The following CCDC57 variants were observed in gnomAD, a reference collection of about 807,000 sequenced individuals.
CCDC57 encodes the protein coiled-coil domain containing 57.
In CCDC57, 118 loss-of-function variants were observed where a neutral mutation model predicts 118.9. The observed-to-expected ratio is 0.99, with a 90% CI of 0.86 to 1.16. CCDC57 has a LOEUF of 1.16. Ranked by LOEUF, CCDC57 falls within the 50% of genes most tolerant of loss-of-function variation. The pLI is 0.00. For missense variants in CCDC57, 1,300 were observed against 1,320.7 expected, an observed-to-expected ratio of 0.98 and a Z score of 0.24; for synonymous variants, 527 against 532.9, an observed-to-expected ratio of 0.99 and a Z score of 0.15.
At chr17:82,123,030 A>T (rs1297979426) in intron 19 of CCDC57, among the ~76,000 whole-genome samples, 1 of 152,052 alleles carries the variant, frequency 6.6e-6, no homozygotes, top group Non-Finnish European at 1.5e-5. Context: ...TTCACCTTGC[A>T]AAAAAGCAGG....
At chr17:82,128,632 T>C in intron 17 of CCDC57, 35 bp from the exon 17 acceptor site, 1 of 1,491,966 alleles carries the variant, frequency 6.7e-7, no homozygotes, top group Non-Finnish European at 9.1e-7. Context: ...GACTCTGGTA[T>C]TCACATGTAC....
intron 9 of CCDC57, 102 bp from the exon 9 acceptor site, chr17:82,179,291 T>C (rs1318402742): frequency 4.6e-6 from 6 of 1,313,810 alleles, no homozygotes; most frequent in Non-Finnish European, 6.3e-6. Context: ...CTGTCCCTCC[T>C]GCTCTCGCAT....
intron 8 of CCDC57, among the ~76,000 whole-genome samples, chr17:82,187,013 G>T (rs769310702): frequency 3.3e-5 from 5 of 151,884 alleles, no homozygotes; most frequent in African/African-American, 4.8e-5. Flanking sequence ...CCGAGGCAGG[G>T]GGATCACAAA....
chr17:82,151,981 G>A (rs1291196795), intron 15 of CCDC57: 4 of 570,938 alleles, frequency 7.0e-6, no homozygotes, highest in East Asian at 5.9e-5. Flanking sequence ...ATAGAATAAA[G>A]GCCCACAGAT....
At chr17:82,188,192 T>A in intron 8 of CCDC57, 27 bp downstream of exon 7, 1 of 1,523,288 alleles carries the variant, frequency 6.6e-7, no homozygotes, top group Middle Eastern at 2.3e-4. Context: ...GCCCTCACCC[T>A]CTGGGTGGAG....
At position 82,184,041 on chromosome 17, in the gene CCDC57, A is replaced by G. The variant is rs1478339938; in HGVS notation, c.1053-109T>C. ...TGCGCGCGCGCGCGCGCACACACAC[A>G]CACACACACACACACACACACACAC... On this transcript the variant is annotated intron_variant, in intron 8 of 19. Transcript: ENST00000665763. 5.8e-3 allele frequency: 2,746 copies of G among 472,320 alleles called. 10 individuals are homozygous for G. The highest frequency in any genetic ancestry group is 9.5e-3 in the South Asian group (342 of 35,942). The allele number at this position is 472,320 out of a possible 1,614,324, so 29.3% of individuals were successfully genotyped here.
At chr17:82,180,568 T>C (rs1219969252) in intron 9 of CCDC57, among the ~76,000 whole-genome samples, 1 of 152,182 alleles carries the variant, frequency 6.6e-6, no homozygotes, top group Non-Finnish European at 1.5e-5. Flanking sequence ...CTCCACCTCC[T>C]GGGCTCAAGT....
intron 13 of CCDC57, among the ~76,000 whole-genome samples, chr17:82,165,177 G>A (rs4789738): frequency 0.47 from 71,060 of 151,964 alleles, 17,412 homozygotes; most frequent in East Asian, 0.88. Flanking sequence ...AACAAAAGAA[G>A]TATCAGCAAA....
At chr17:82,161,502 C>T (rs2043330147) in intron 14 of CCDC57, among the ~76,000 whole-genome samples, 1 of 152,248 alleles carries the variant, frequency 6.6e-6, no homozygotes, top group Admixed American at 6.5e-5. Flanking sequence ...GGAAACAACC[C>T]AAATGTTGAG....
chr17:82,183,747 T>A (rs1389577104), intron 9 of CCDC57, 27 bp downstream of exon 8: 1 of 1,548,440 alleles, frequency 6.5e-7, no homozygotes, highest in African/African-American at 1.4e-5. Flanking sequence ...AGACCCTCAA[T>A]GGAAACATCT....
At chr17:82,174,404 CTGTT>C (rs1291081985) in intron 11 of CCDC57, among the ~76,000 whole-genome samples, 1 of 152,226 alleles carries the variant, frequency 6.6e-6, no homozygotes, top group Non-Finnish European at 1.5e-5. Flanking sequence ...AAATTTTGCC[CTGTT>C]TGTCTCTTTA....
In CCDC57 at chr17:82,124,895, C is replaced by T. The variant is rs117232377; in HGVS notation, c.2899+2797G>A. Among the ~76,000 whole-genome samples, 507 of 152,260 alleles carry T rather than the reference C, an allele frequency of 3.3e-3. 2 individuals are homozygous for T. Among genetic ancestry groups the T allele is most frequent in the Non-Finnish European group, 4.7e-3 (320 of 68,016 alleles). On this transcript the variant is annotated intron_variant, in intron 19 of 19. Coordinates refer to ENST00000665763, the Ensembl canonical transcript of CCDC57. ...AAACAAGCAAACGAATGAACACGAA[C>T]GTCTCCAGAAGAACTTTCCATTGAG... is the stretch of plus-strand genomic sequence containing the variant.
chr17:82,194,025 G>C, exon 6 of CCDC57: 2 of 1,613,070 alleles, frequency 1.2e-6, no homozygotes, highest in Middle Eastern at 3.3e-4. Flanking sequence ...TCCCCGGCTC[G>C]GCTCTGGAGC....
chr17:82,105,914 C>G (rs983794203), intron 19 of CCDC57, among the ~76,000 whole-genome samples: 3 of 152,244 alleles, frequency 2.0e-5, no homozygotes, highest in Non-Finnish European at 4.4e-5. Flanking sequence ...CCTGGTGAGG[C>G]AGGGCCAGCA....
intron 8 of CCDC57, among the ~76,000 whole-genome samples, chr17:82,185,475 C>T (rs931867267): frequency 6.7e-5 from 10 of 150,228 alleles, no homozygotes; most frequent in Admixed American, 3.3e-4. Context: ...AAAAATTAGC[C>T]GGGTGTGGTG....
At position 82,172,888 on chromosome 17, in the gene CCDC57, A is replaced by G. The variant is rs749040546; in HGVS notation, c.1507-28T>C. The G allele has an allele frequency of 1.9e-6, 3 of 1,580,650 alleles. No individual in the cohort carries two copies. Among genetic ancestry groups the G allele is most frequent in the Non-Finnish European group, 2.6e-6 (3 of 1,158,946 alleles). Reference sequence around the variant, plus strand: ...GTCAAATACAAGGAAAAATGGCTACAAAAAGATGAATGGTTCCCCAGCTTG... The same window carrying G: ...GTCAAATACAAGGAAAAATGGCTACGAAAAGATGAATGGTTCCCCAGCTTG... On this transcript the variant is annotated intron_variant, in intron 11 of 19. Coordinates refer to ENST00000665763, the Ensembl canonical transcript of CCDC57. This position sits in a 1 kb window ranked among gnomAD's most constrained non-coding sequence, Gnocchi z 5.2.
chr17:82,144,716 A>T (rs1465343394), intron 16 of CCDC57, among the ~76,000 whole-genome samples: 2 of 152,264 alleles, frequency 1.3e-5, no homozygotes, highest in Non-Finnish European at 2.9e-5. Flanking sequence ...CGTGTCATTT[A>T]ACTAATAAAT....
intron 13 of CCDC57, among the ~76,000 whole-genome samples, chr17:82,168,317 G>A (rs1006070400): frequency 4.6e-5 from 7 of 152,266 alleles, no homozygotes; most frequent in South Asian, 2.1e-4. Context: ...TCTTTAGGCC[G>A]GGCGCAGTGG....
intron 14 of CCDC57, among the ~76,000 whole-genome samples, chr17:82,162,597 G>C (rs8079141): frequency 7.4e-6 from 1 of 134,716 alleles, no homozygotes; most frequent in Non-Finnish European, 1.6e-5. Context: ...CGGGCAGCCC[G>C]CACACACGCC....
Sources: gnomAD v4.1 joint callset for allele counts (sites outside exome capture counted in the v4.1 genomes callset) on GRCh38, gnomAD v4.1.1 for gene constraint, Gnocchi (gnomAD v3.1) non-coding constraint, MANE v1.5 for transcripts, NCBI Gene and HGNC (gene_info 2026-07-23, HGNC 2026-07-21) for gene names.